The following NUP93 variants were observed in gnomAD, a reference collection of about 807,000 sequenced individuals.
The protein encoded by NUP93 is nucleoporin 93.
In NUP93, 55 loss-of-function variants were observed where a neutral mutation model predicts 107.8. The observed-to-expected ratio is 0.51, with a 90% CI of 0.41 to 0.64. NUP93 has a LOEUF of 0.64. Among genes scored for constraint, NUP93 ranks in the 30% least tolerant of loss-of-function variants. The probability of loss-of-function intolerance (pLI) is 0.00; values close to 1 mark genes in which losing one functional copy is unlikely to be tolerated. For missense variants in NUP93, 937 were observed against 1,044.7 expected, an observed-to-expected ratio of 0.90 and a Z score of 1.42; for synonymous variants, 390 against 397.5, an observed-to-expected ratio of 0.98 and a Z score of 0.22.
intron 20 of NUP93, among the ~76,000 whole-genome samples, chr16:56,840,767 G>A (rs1432856939): frequency 1.3e-5 from 2 of 152,090 alleles, no homozygotes; most frequent in Admixed American, 6.5e-5. Context: ...AGGCTGAGGC[G>A]GACTGATCAC....
At chr16:56,776,435 T>C (rs1478237178) in intron 3 of NUP93, among the ~76,000 whole-genome samples, 1 of 152,246 alleles carries the variant, frequency 6.6e-6, no homozygotes, top group African/African-American at 2.4e-5. Flanking sequence ...AAAATTATGA[T>C]GGACTCTGCT....
chr16:56,844,981 T>C lies in NUP93; in HGVS notation c.*372T>C, dbSNP rs1269817542. On this transcript the variant is annotated 3_prime_UTR_variant, in exon 22 of 22. Coordinates refer to ENST00000308159, the MANE Select transcript of NUP93 (RefSeq NM_014669.5). ...CCTTTGGGAGTTACTTTTATTTAGA[T>C]ATAATATTCCATATAGCAGAGTCAC... 9.8e-6 allele frequency: 3 copies of C among 306,770 alleles called. No homozygotes were observed. Among genetic ancestry groups the C allele is most frequent in the Admixed American group, 5.0e-5 (1 of 19,940 alleles). 19.0% of individuals were successfully genotyped at this position (306,770 alleles called of 1,614,324 possible).
rs1366189453 is a variant in NUP93, at chr16:56,834,879, C to T, written c.1782+101C>T. ...TTTAAGATTCAAGGTACTAAAGATG[C>T]AAATCTGAACAGAGTTGCTTAATTT... is the stretch of plus-strand genomic sequence containing the variant. On this transcript the variant is annotated intron_variant, in intron 16 of 21. Coordinates refer to ENST00000308159, the MANE Select transcript of NUP93 (RefSeq NM_014669.5). The T allele has an allele frequency of 3.2e-6, 3 of 945,708 alleles. No individual in the cohort carries two copies. In the East Asian group the frequency reaches 7.5e-5, roughly 24 times the overall value. 58.6% of individuals were successfully genotyped at this position (945,708 alleles called of 1,614,324 possible). A position where few individuals can be genotyped will look rare whatever the true frequency, so the allele number is the denominator to read the frequency against.
At chr16:56,811,873 GC>G (rs1963323375) in intron 5 of NUP93, among the ~76,000 whole-genome samples, 1 of 152,078 alleles carries the variant, frequency 6.6e-6, no homozygotes, top group South Asian at 2.1e-4. Context: ...GCATATTCTA[GC>G]ATTCTTTGTG....
At chr16:56,737,349 T>C (rs1308161475) in intron 1 of NUP93, among the ~76,000 whole-genome samples, 5 of 152,102 alleles carry the variant, frequency 3.3e-5, no homozygotes, top group Non-Finnish European at 5.9e-5. Context: ...AGGGCACTTA[T>C]CCCATCCTGA....
At chr16:56,796,774 C>T (rs1191988608) in intron 3 of NUP93, among the ~76,000 whole-genome samples, 2 of 152,022 alleles carry the variant, frequency 1.3e-5, no homozygotes, top group African/African-American at 4.8e-5. Context: ...GTCAGGAGAT[C>T]GAGATCATCC....
chr16:56,825,100 A>G (rs1963629838), intron 8 of NUP93, among the ~76,000 whole-genome samples: 1 of 149,850 alleles, frequency 6.7e-6, no homozygotes, highest in African/African-American at 2.5e-5. Flanking sequence ...TCTGTCACCC[A>G]TGCTGGAGTG....
chr16:56,831,041 A>C (rs1273072432), intron 10 of NUP93, among the ~76,000 whole-genome samples: 1 of 152,226 alleles, frequency 6.6e-6, no homozygotes, highest in African/African-American at 2.4e-5. Flanking sequence ...TTAACACTTA[A>C]TGCTTTTTTG....
intron 5 of NUP93, among the ~76,000 whole-genome samples, chr16:56,815,602 T>C (rs1348592533): frequency 1.2e-4 from 19 of 152,222 alleles, no homozygotes; most frequent in Admixed American, 1.2e-3. Flanking sequence ...GGTTTCTTTT[T>C]GTTTATAAAG....
In NUP93 at chr16:56,833,259, C is replaced by A; in HGVS notation, c.1390C>A (p.Gln464Lys). ...TVNQQPFLYF[Q>K]VLFLTAQFEA... ...GAACCAGCAACCCTTCCTCTACTTC[C>A]AAGTCCTGTTCCTGACAGCGCAGTT... Residue 464 changes from glutamine (Q) to lysine (K), a missense_variant, in exon 13 of 22, where the codon CAA becomes AAA. Coordinates refer to ENST00000308159, the MANE Select transcript of NUP93 (RefSeq NM_014669.5). 6.2e-7 allele frequency: 1 copy of A among 1,606,782 alleles called. No homozygotes were observed. The highest frequency in any genetic ancestry group is 8.5e-7 in the Non-Finnish European group (1 of 1,177,710).
At chr16:56,740,127 A>G (rs1259627539) in intron 1 of NUP93, among the ~76,000 whole-genome samples, 1 of 85,216 alleles carries the variant, frequency 1.2e-5, no homozygotes, top group Non-Finnish European at 2.2e-5. Context: ...CGGGGGGCTG[A>G]CCCCCCCACC....
At chr16:56,758,710 C>A in intron 3 of NUP93, 55 bp downstream of exon 3, 2 of 1,237,810 alleles carry the variant, frequency 1.6e-6, no homozygotes, top group Admixed American at 1.8e-5. Flanking sequence ...GGCTGAAGAC[C>A]CTGGCCCTTT....
At chr16:56,734,275 G>A (rs1411968388) in intron 1 of NUP93, among the ~76,000 whole-genome samples, 1 of 152,184 alleles carries the variant, frequency 6.6e-6, no homozygotes, top group Non-Finnish European at 1.5e-5. Context: ...GAATTAAGGG[G>A]GTTAGCTAGG....
chr16:56,842,555 CTTTTTT>C, intron 21 of NUP93: 1 of 418,852 alleles, frequency 2.4e-6, no homozygotes, highest in African/African-American at 2.2e-5. Context: ...ATGGTGTTTG[CTTTTTT>C]TTTTTTTTTG....
At chr16:56,743,832 G>T (rs539308288) in intron 1 of NUP93, among the ~76,000 whole-genome samples, 1 of 152,232 alleles carries the variant, frequency 6.6e-6, no homozygotes, top group Admixed American at 6.5e-5. Flanking sequence ...GTTCTCAGTT[G>T]CCCAGGTTGT....
chr16:56,750,801 G>A (rs1369289970), intron 2 of NUP93, among the ~76,000 whole-genome samples: 1 of 152,146 alleles, frequency 6.6e-6, no homozygotes, highest in African/African-American at 2.4e-5. Context: ...ACAGAAAAAG[G>A]TTGCTGACTC....
intron 4 of NUP93, among the ~76,000 whole-genome samples, chr16:56,804,344 G>A (rs951853393): frequency 6.6e-6 from 1 of 152,042 alleles, no homozygotes; most frequent in South Asian, 2.1e-4. Flanking sequence ...AAGAAAATGT[G>A]GTATATTCAT....
chr16:56,732,267 C>G (rs1458246425), intron 1 of NUP93, among the ~76,000 whole-genome samples: 1 of 152,142 alleles, frequency 6.6e-6, no homozygotes, highest in Non-Finnish European at 1.5e-5. Context: ...CTGTTTTGTT[C>G]ACTGATGTGT....
At chr16:56,732,109 A>G (rs868358124) in intron 1 of NUP93, among the ~76,000 whole-genome samples, 1 of 152,148 alleles carries the variant, frequency 6.6e-6, no homozygotes, top group Non-Finnish European at 1.5e-5. Flanking sequence ...CACTTCTTCC[A>G]GGTCTTCACT....
Sources: gnomAD v4.1 joint callset for allele counts (sites outside exome capture counted in the v4.1 genomes callset) on GRCh38, gnomAD v4.1.1 for gene constraint, MANE v1.5 for transcripts, NCBI Gene and HGNC (gene_info 2026-07-23, HGNC 2026-07-21) for gene names.